The following DNAJC1 variants were observed in gnomAD, a reference collection of about 807,000 sequenced individuals.
DNAJC1 encodes DnaJ heat shock protein family (Hsp40) member C1.
A neutral mutation model predicts 76.6 loss-of-function variants in DNAJC1; 58 were observed. The observed-to-expected ratio is 0.76, with a 90% CI of 0.61 to 0.94. The LOEUF is 0.94. Among genes scored for constraint, DNAJC1 ranks in the 40% least tolerant of loss-of-function variants. The pLI is 0.00. For synonymous variants in DNAJC1, 258 were observed against 267.9 expected (o/e 0.96, Z 0.36); for missense variants, 689 against 677.3 (o/e 1.02, Z -0.19).
intron 8 of DNAJC1, among the ~76,000 whole-genome samples, chr10:21,878,483 GT>G (rs963096666): frequency 2.6e-5 from 4 of 152,290 alleles, no homozygotes; most frequent in African/African-American, 9.6e-5. Flanking sequence ...ATGGTGCCAT[GT>G]ACAGTAAGTA....
intron 8 of DNAJC1, among the ~76,000 whole-genome samples, chr10:21,811,241 T>C (rs960603502): frequency 6.6e-6 from 1 of 152,212 alleles, no homozygotes; most frequent in Non-Finnish European, 1.5e-5. Context: ...GGCAACTCCA[T>C]CCATGACACT....
At chr10:21,995,736 G>A (rs1838405880) in intron 1 of DNAJC1, among the ~76,000 whole-genome samples, 2 of 152,176 alleles carry the variant, frequency 1.3e-5, no homozygotes, top group Admixed American at 1.3e-4. Flanking sequence ...CCTTGCTTTT[G>A]CAATATGCCT....
At chr10:21,904,049 C>G (rs1836703326) in intron 7 of DNAJC1, among the ~76,000 whole-genome samples, 2 of 152,118 alleles carry the variant, frequency 1.3e-5, no homozygotes, top group Admixed American at 1.3e-4. Context: ...TGGAAGATTT[C>G]TTTTCAACAT....
At chr10:21,953,821 TAAAAAAAA>T (rs779370823) in intron 1 of DNAJC1, among the ~76,000 whole-genome samples, 6 of 84,940 alleles carry the variant, frequency 7.1e-5, no homozygotes, top group Non-Finnish European at 1.1e-4. Context: ...AACTGAACTT[TAAAAAAAA>T]AAAAAAAAAA....
intron 1 of DNAJC1, among the ~76,000 whole-genome samples, chr10:21,935,711 C>T (rs1458865150): frequency 1.3e-5 from 2 of 151,796 alleles, no homozygotes; most frequent in African/African-American, 2.4e-5. Flanking sequence ...AAGAAAGAGT[C>T]CCGAAAGCAG....
chr10:21,995,195 A>C (rs953765134), intron 1 of DNAJC1, among the ~76,000 whole-genome samples: 1 of 152,132 alleles, frequency 6.6e-6, no homozygotes, highest in Non-Finnish European at 1.5e-5. Flanking sequence ...TTAATGGTAT[A>C]AATAAAGTCC....
chr10:21,783,452 A>G (rs9663287), intron 9 of DNAJC1, among the ~76,000 whole-genome samples: 5,267 of 152,320 alleles, frequency 0.035, 145 homozygotes, highest in African/African-American at 0.067. Context: ...GGAAGAATCA[A>G]TATCGTGACA....
rs932649265 is a variant in DNAJC1, at chr10:22,003,620, G to C, written c.-186C>G. On this transcript the variant is annotated 5_prime_UTR_variant, in exon 1 of 12. Transcript: ENST00000376980. Reference sequence around the variant, plus strand: ...AGGCGGCGGGAGCCGGCTGCCGGACGGGCGGGTGGGTAGGCGGGCGGGGCC... The same window carrying C: ...AGGCGGCGGGAGCCGGCTGCCGGACCGGCGGGTGGGTAGGCGGGCGGGGCC... 2.6e-5 allele frequency: 16 copies of C among 624,136 alleles called. No individual in the cohort carries two copies. The highest frequency in any genetic ancestry group is 5.0e-4 in the Middle Eastern group (1 of 1,994). 38.7% of individuals were successfully genotyped at this position (624,136 alleles called of 1,614,324 possible).
intron 1 of DNAJC1, among the ~76,000 whole-genome samples, chr10:21,962,734 C>T (rs919063213): frequency 1.7e-4 from 24 of 141,528 alleles, no homozygotes; most frequent in Middle Eastern, 3.7e-3. Context: ...TGACTTTTTT[C>T]GTGTGTTATG....
At chr10:21,863,942 C>CTAT (rs1447911868) in intron 8 of DNAJC1, among the ~76,000 whole-genome samples, 1 of 152,142 alleles carries the variant, frequency 6.6e-6, no homozygotes, top group Non-Finnish European at 1.5e-5. Context: ...TGGCTCAGGC[C>CTAT]TTTAATCCCA....
intron 1 of DNAJC1, among the ~76,000 whole-genome samples, chr10:21,979,475 A>G (rs1491003368): frequency 6.6e-6 from 1 of 152,062 alleles, no homozygotes; most frequent in African/African-American, 2.4e-5. Flanking sequence ...TTAAAGTATT[A>G]TTATTTTCAT....
At chr10:21,965,879 T>C (rs1837880985) in intron 1 of DNAJC1, among the ~76,000 whole-genome samples, 1 of 152,214 alleles carries the variant, frequency 6.6e-6, no homozygotes, top group Non-Finnish European at 1.5e-5. Flanking sequence ...CTGAATTCTT[T>C]CTTGCACAAG....
intron 6 of DNAJC1, among the ~76,000 whole-genome samples, chr10:21,913,920 G>C (rs2131759574): frequency 6.6e-6 from 1 of 152,202 alleles, no homozygotes; most frequent in Admixed American, 6.5e-5. Context: ...TGCTTTGTTA[G>C]CTATCTCAAC....
intron 1 of DNAJC1, among the ~76,000 whole-genome samples, chr10:22,000,430 C>T (rs1345342598): frequency 1.3e-5 from 2 of 152,232 alleles, no homozygotes; most frequent in Non-Finnish European, 2.9e-5. Context: ...ATGGTCTTCC[C>T]TTACCACCTA....
chr10:21,843,827 G>A (rs370027878), intron 8 of DNAJC1, among the ~76,000 whole-genome samples: 2 of 151,886 alleles, frequency 1.3e-5, no homozygotes, highest in East Asian at 3.9e-4. Flanking sequence ...GCCACCTCAG[G>A]CTCCTGGGTT....
intron 1 of DNAJC1, among the ~76,000 whole-genome samples, chr10:21,952,456 G>GT (rs1409089447): frequency 1.3e-5 from 2 of 151,814 alleles, no homozygotes; most frequent in East Asian, 3.9e-4. Flanking sequence ...TATTCTTTTT[G>GT]TTTTTTTAAA....
chr10:21,900,681 C>T (rs1405363182), intron 7 of DNAJC1, among the ~76,000 whole-genome samples: 1 of 152,010 alleles, frequency 6.6e-6, no homozygotes, highest in Non-Finnish European at 1.5e-5. Flanking sequence ...AACAAGGGCT[C>T]CTATTAGATT....
At chr10:21,879,825 G>A (rs1459550823) in intron 8 of DNAJC1, among the ~76,000 whole-genome samples, 1 of 152,170 alleles carries the variant, frequency 6.6e-6, no homozygotes, top group Non-Finnish European at 1.5e-5. Context: ...ATTCATGTTA[G>A]TGGCTGCTGA....
At chr10:21,782,805 T>C (rs539916238) in intron 9 of DNAJC1, among the ~76,000 whole-genome samples, 5 of 152,132 alleles carry the variant, frequency 3.3e-5, no homozygotes, top group East Asian at 3.9e-4. Flanking sequence ...AAAAACCACA[T>C]GATTATCTCA....
Sources: gnomAD v4.1 joint callset for allele counts (sites outside exome capture counted in the v4.1 genomes callset) on GRCh38, gnomAD v4.1.1 for gene constraint, MANE v1.5 for transcripts, NCBI Gene and HGNC (gene_info 2026-07-23, HGNC 2026-07-21) for gene names.